TACC1: variants seen among roughly 807,000 people sequenced by gnomAD.
The protein encoded by TACC1 is transforming acidic coiled-coil-containing protein 1.
Under a neutral mutation model 84.4 loss-of-function variants are expected in TACC1, and 48 were observed. The ratio of observed to expected loss-of-function variants is 0.57; its 90% CI spans 0.45 to 0.72. The LOEUF (loss-of-function observed/expected upper bound fraction) is 0.72. Ranked by LOEUF, TACC1 falls within the 30% of genes least tolerant of loss-of-function variation. The probability of loss-of-function intolerance (pLI) is 0.00; values close to 1 mark genes in which losing one functional copy is unlikely to be tolerated. For synonymous variants in TACC1, 372 were observed against 376.3 expected, an observed-to-expected ratio of 0.99 and a Z score of 0.13; for missense variants, 920 against 973.0, an observed-to-expected ratio of 0.95 and a Z score of 0.72.
At chr8:38,822,817 C>G (rs1015574299) in intron 3 of TACC1, among the ~76,000 whole-genome samples, 3 of 152,180 alleles carry the variant, frequency 2.0e-5, no homozygotes, top group African/African-American at 7.2e-5. Context: ...ATCGTCAGGA[C>G]ATCACTAGAC....
chr8:38,766,567 T>C (rs183290508), intron 3 of TACC1, among the ~76,000 whole-genome samples: 1 of 152,374 alleles, frequency 6.6e-6, no homozygotes, highest in Admixed American at 6.5e-5. Context: ...ACAGCAATAG[T>C]TCTGAAAACT....
At chr8:38,829,941 T>TA (rs1828888318) in intron 5 of TACC1, among the ~76,000 whole-genome samples, 1 of 152,306 alleles carries the variant, frequency 6.6e-6, no homozygotes, top group East Asian at 1.9e-4. Flanking sequence ...GATGGATACT[T>TA]ACTAGATGTT....
chr8:38,828,331 T>C (rs1458077111), intron 5 of TACC1, among the ~76,000 whole-genome samples: 1 of 152,182 alleles, frequency 6.6e-6, no homozygotes, highest in Non-Finnish European at 1.5e-5. Flanking sequence ...AAGTGGTATC[T>C]TTTTCCTCAC....
chr8:38,799,077 G>A (rs1232539645), intron 2 of TACC1, among the ~76,000 whole-genome samples: 2 of 152,176 alleles, frequency 1.3e-5, no homozygotes, highest in Non-Finnish European at 2.9e-5. Context: ...CAGACCACTT[G>A]AGCAGAAAGG....
At chr8:38,786,101 G>A (rs1817088751), upstream of TACC1, among the ~76,000 whole-genome samples, 1 of 152,168 alleles carries the variant, frequency 6.6e-6, no homozygotes, top group Admixed American at 6.5e-5. Flanking sequence ...TGCTGTCTCT[G>A]TGGGAACCTG....
At chr8:38,751,221 A>G (rs1808978684) in intron 3 of TACC1, among the ~76,000 whole-genome samples, 2 of 152,184 alleles carry the variant, frequency 1.3e-5, no homozygotes, top group South Asian at 4.1e-4. Context: ...CATGTTGAAC[A>G]TAAGGTTTGT....
At chr8:38,734,633 T>G (rs977985003) in intron 1 of TACC1, among the ~76,000 whole-genome samples, 13 of 152,358 alleles carry the variant, frequency 8.5e-5, no homozygotes, top group African/African-American at 3.1e-4. Flanking sequence ...CAAAGGACTC[T>G]CCTGGCCCTT....
rs368278628 is a variant in TACC1 at position 38,850,305 on chromosome 8, T to G, written c.*2282T>G. The G allele has an allele frequency of 3.3e-4, 50 of 152,294 alleles. No individual in the cohort carries two copies. The highest frequency in any genetic ancestry group is 1.1e-3 in the African/African-American group (47 of 41,550). The allele number at this position is 152,294 out of a possible 1,614,324, so 9.4% of individuals were successfully genotyped here. ...ATTCGAACTTAACAGATGCCTCCTC[T>G]CCAAAGAGAATTAAAATCGTAGCTT... On this transcript the variant is annotated 3_prime_UTR_variant, in exon 13 of 13. Coordinates refer to ENST00000317827, the MANE Select transcript of TACC1 (RefSeq NM_006283.3).
chr8:38,836,032 C>T (rs1830155869), intron 6 of TACC1, 130 bp from the exon 7 acceptor site: 12 of 1,254,598 alleles, frequency 9.6e-6, no homozygotes, highest in Middle Eastern at 2.9e-4. Flanking sequence ...AAAAAGCTTC[C>T]CCCCGCTGAC....
At chr8:38,772,346 T>C (rs1051767440) in intron 3 of TACC1, among the ~76,000 whole-genome samples, 1 of 152,274 alleles carries the variant, frequency 6.6e-6, no homozygotes, top group Non-Finnish European at 1.5e-5. Context: ...ACAATCTCAC[T>C]TCTAGAATTT....
intron 3 of TACC1, among the ~76,000 whole-genome samples, chr8:38,775,045 T>C (rs2151912547): frequency 6.6e-6 from 1 of 151,536 alleles, no homozygotes; most frequent in South Asian, 2.1e-4. Context: ...ACCAAAAACT[T>C]TTAAAACAAA....
intron 3 of TACC1, among the ~76,000 whole-genome samples, chr8:38,753,155 A>AAT: frequency 6.6e-6 from 1 of 152,282 alleles, no homozygotes; most frequent in Non-Finnish European, 1.5e-5. Context: ...GCTGCAGTGC[A>AAT]GTGGTGTGAT....
chr8:38,804,876 T>C (rs747047649), intron 2 of TACC1, among the ~76,000 whole-genome samples: 3 of 152,156 alleles, frequency 2.0e-5, no homozygotes, highest in Non-Finnish European at 2.9e-5. Context: ...TGTCTACAGT[T>C]TATGAAGTTA....
At chr8:38,799,544 C>T (rs1820852526) in intron 2 of TACC1, 2 of 152,176 alleles carry the variant, frequency 1.3e-5, no homozygotes, top group African/African-American at 4.8e-5. Context: ...GGAAGAAATT[C>T]CCCCGCAAAT....
chr8:38,736,925 C>A (rs1348502635), intron 1 of TACC1, among the ~76,000 whole-genome samples: 1 of 152,092 alleles, frequency 6.6e-6, no homozygotes, highest in East Asian at 1.9e-4. Context: ...TGTTACCAGG[C>A]AAAGCACTCA....
At chr8:38,740,939 G>T (rs1248876863) in intron 1 of TACC1, among the ~76,000 whole-genome samples, 1 of 152,118 alleles carries the variant, frequency 6.6e-6, no homozygotes, top group Non-Finnish European at 1.5e-5. Flanking sequence ...GTGTTTTGTT[G>T]TACCTTGGCA....
chr8:38,800,937 A>G (rs1388325589), intron 2 of TACC1, among the ~76,000 whole-genome samples: 1 of 152,180 alleles, frequency 6.6e-6, no homozygotes, highest in Non-Finnish European at 1.5e-5. Context: ...GGTTATAGCC[A>G]TGCCAGTAGG....
At chr8:38,820,686 T>C in intron 3 of TACC1, 51 bp downstream of exon 3, 1 of 1,553,516 alleles carries the variant, frequency 6.4e-7, no homozygotes, top group East Asian at 2.2e-5. Flanking sequence ...GTCTGTTGAG[T>C]TTGGCAGCCA....
At chr8:38,757,305 G>A (rs1430981057) in intron 3 of TACC1, 1 of 1,265,130 alleles carries the variant, frequency 7.9e-7, no homozygotes, top group Admixed American at 2.4e-5. Context: ...GCACAGGAGG[G>A]TGCAGCCCCG....
Sources: allele counts gnomAD v4.1 joint callset (sites outside exome capture counted in the v4.1 genomes callset), GRCh38; gene constraint gnomAD v4.1.1; transcripts MANE v1.5; gene names NCBI Gene and HGNC (gene_info 2026-07-23, HGNC 2026-07-21).